IRAK1: variants seen among roughly 807,000 people sequenced by gnomAD.
IRAK1 encodes the protein interleukin 1 receptor associated kinase 1.
IRAK1 carries 9 observed loss-of-function variants against 49.8 expected under a neutral mutation model. The ratio of observed to expected loss-of-function variants is 0.18; its 90% CI spans 0.11 to 0.32. The LOEUF (loss-of-function observed/expected upper bound fraction) is 0.32, where lower values mean the gene tolerates loss of function less well. Among genes scored for constraint, IRAK1 ranks in the 10% least tolerant of loss-of-function variants. IRAK1 has a pLI of 1.00. For synonymous variants in IRAK1, 282 were observed against 270.8 expected (o/e 1.04, Z -0.41); for missense variants, 418 against 600.5 (o/e 0.70, Z 3.18).
chrX:154,013,685 G>A (rs2065718089), intron 11 of IRAK1, among the ~76,000 whole-genome samples: 1 of 112,990 alleles, frequency 8.9e-6, no homozygotes, highest in African/African-American at 3.2e-5. Context: ...TCACTGCCCC[G>A]CTGCCCTCAA....
Position 154,019,803 on chromosome X carries a change from C to T in IRAK1, c.10G>A (p.Gly4Arg). 2 of 880,439 alleles carry T rather than the reference C, an allele frequency of 2.3e-6. No homozygotes were observed. The highest frequency in any genetic ancestry group is 2.8e-6 in the Non-Finnish European group (2 of 719,760). The allele number at this position is 880,439 out of a possible 1,213,427, so 72.6% of individuals were successfully genotyped here. Residue 4 changes from glycine to arginine, a missense_variant, in exon 1 of 14, where the codon GGG becomes AGG. By Grantham distance (125) the Gly-to-Arg change is moderately radical. Coordinates refer to ENST00000369980, the MANE Select transcript of IRAK1 (RefSeq NM_001569.4). ...GCTGCGGGCTCCCCCGGGCCCGGCC[C>T]CCCGGCCATGGCTGCCGCCGCCGGG... MAG[G>R]PGPGEPAAPG...
rs11465832 is a variant in IRAK1 at position 154,018,269 on chromosome X, G to A, written c.794+22C>T. ...GGTCTGAAGCCCCACGGGACCTGGT[G>A]TGGCTCCCCCTCTGGCCTCACCTGG... is the stretch of plus-strand genomic sequence containing the variant. On this transcript the variant is annotated intron_variant, in intron 6 of 13. Coordinates refer to ENST00000369980, the MANE Select transcript of IRAK1 (RefSeq NM_001569.4). 689 of 1,139,955 alleles carry A rather than the reference G, an allele frequency of 6.0e-4. 2 individuals carry two copies. The African/African-American group carries it at 0.011, about 18-fold the overall frequency. The allele number at this position is 1,139,955 out of a possible 1,213,427, so 93.9% of individuals were successfully genotyped here.
chrX:154,017,386 A>C (rs1557129628), intron 7 of IRAK1, among the ~76,000 whole-genome samples: 1 of 112,405 alleles, frequency 8.9e-6, no homozygotes, highest in African/African-American at 3.2e-5. Context: ...GCCCTCCCTC[A>C]GCTGTAGGTG....
At chrX:154,017,144 G>A (rs1175928777) in intron 7 of IRAK1, 77 bp from the exon 8 acceptor site, 23 of 649,396 alleles carry the variant, frequency 3.5e-5, no homozygotes, top group East Asian at 2.6e-4. Context: ...ACCTGTCACC[G>A]TGCAGCCTGG....
chrX:154,015,332 C>T (rs1052478752), intron 10 of IRAK1, among the ~76,000 whole-genome samples: 3 of 112,146 alleles, frequency 2.7e-5, no homozygotes, highest in Non-Finnish European at 5.7e-5. Flanking sequence ...CATGGATGGA[C>T]GGACGGGGAA....
intron 10 of IRAK1, among the ~76,000 whole-genome samples, chrX:154,015,675 C>G (rs915318992): frequency 4.5e-5 from 5 of 111,890 alleles, no homozygotes; most frequent in Admixed American, 1.9e-4. Context: ...TCAGCTGCAG[C>G]CTGCTGGGGC....
intron 4 of IRAK1, 32 bp downstream of exon 4, chrX:154,018,943 C>T: frequency 9.1e-7 from 1 of 1,099,905 alleles, no homozygotes; most frequent in Non-Finnish European, 1.2e-6. Flanking sequence ...CTCCTTGTCT[C>T]GAATCTTCCC....
Position 154,019,867 on chromosome X carries a change from C to CGGGCCT in IRAK1, c.-61_-56dup. ...GGGCCTCTCAGGGCCGCGGCGGGCGCGGGCCTGGGCCGGCCGGGTCCGCGG... is the reference window on the plus strand; with the variant it reads ...GGGCCTCTCAGGGCCGCGGCGGGCGCGGGCCTGGGCCTGGGCCGGCCGGGTCCGCGG... On this transcript the variant is annotated 5_prime_UTR_variant, in exon 1 of 14. Transcript: ENST00000369980. The CGGGCCT allele has an allele frequency of 6.0e-6, 4 of 664,007 alleles. No homozygotes were observed. The highest frequency in any genetic ancestry group is 7.2e-6 in the Non-Finnish European group (4 of 557,317). 54.7% of individuals were successfully genotyped at this position (664,007 alleles called of 1,213,427 possible).
Position 154,014,253 on chromosome X carries a change from T to C in IRAK1, c.1328A>G (p.Glu443Gly). The C allele has an allele frequency of 2.5e-6, 3 of 1,207,766 alleles. No homozygotes were observed. Among genetic ancestry groups the C allele is most frequent in the Non-Finnish European group, 3.4e-6 (3 of 894,245 alleles). Residue 443 changes from glutamate to glycine, a missense_variant, in exon 11 of 14, where the codon GAG becomes GGG. By Grantham distance (98) the Glu-to-Gly change is moderately conservative. This residue lies in a region of IRAK1 where 377 missense variants were observed against 499.5 expected (regional missense o/e 0.75). Transcript: ENST00000369980. ...YLKDLVEEEA[E>G]EAGVALRSTQ... is the part of the protein sequence containing the mutation. ...GCTTCTCAAAGCCACTCCAGCCTCC[T>C]CAGCCTCCTCTTCCACCAGGTCTTT... is the stretch of plus-strand genomic sequence containing the variant.
At chrX:154,017,095 G>T (rs1557129536) in intron 7 of IRAK1, 28 bp from the exon 8 acceptor site, 1 of 972,636 alleles carries the variant, frequency 1.0e-6, no homozygotes, top group Admixed American at 2.2e-5. Context: ...GACAGGGGAG[G>T]TTGCTGGATG....
At chrX:154,016,763 G>T in intron 8 of IRAK1, 119 bp from the exon 9 acceptor site, 1 of 667,743 alleles carries the variant, frequency 1.5e-6, no homozygotes, top group South Asian at 2.6e-5. Context: ...CGCTGGCACT[G>T]CCCTGAGCGC....
chrX:154,018,388 C>A, intron 5 of IRAK1, 33 bp from the exon 6 acceptor site: 1 of 1,111,511 alleles, frequency 9.0e-7, no homozygotes, highest in Non-Finnish European at 1.2e-6. Flanking sequence ...GGGGAAGGGG[C>A]AGGGAAGACG....
chrX:154,017,813 AAAAAAAAAAAAAAT>A (rs1357912952), intron 7 of IRAK1, among the ~76,000 whole-genome samples, 179 bp downstream of exon 7: 29 of 97,644 alleles, frequency 3.0e-4, no homozygotes, highest in African/African-American at 6.7e-4. Context: ...AAAAAAAAAA[AAAAAAAAAAAAAAT>A]TGACCCCACC....
chrX:154,014,371 T>TAA (rs146868205), intron 10 of IRAK1, 93 bp from the exon 11 acceptor site: 278 of 529,067 alleles, frequency 5.3e-4, no homozygotes, highest in East Asian at 2.1e-3. Flanking sequence ...TGGGTTTTGA[T>TAA]AAAAAAAAAA....
chrX:154,017,910 C>A, intron 7 of IRAK1, 96 bp downstream of exon 7: 1 of 582,444 alleles, frequency 1.7e-6, no homozygotes, highest in Non-Finnish European at 2.9e-6. Context: ...AGGACCCACT[C>A]ACACAGGCTG....
chrX:154,015,724 G>A (rs1056723725), intron 10 of IRAK1, among the ~76,000 whole-genome samples: 12 of 111,967 alleles, frequency 1.1e-4, no homozygotes, highest in African/African-American at 3.6e-4. Context: ...CTCTACCACC[G>A]CCTTTCTCCG....
chrX:154,016,844 C>T (rs2065742155), intron 8 of IRAK1, 105 bp downstream of exon 8: 3 of 678,992 alleles, frequency 4.4e-6, no homozygotes, highest in East Asian at 3.2e-5. Context: ...TGTGCGATGC[C>T]GGGGTGTTGA....
chrX:154,018,142 T>C, intron 6 of IRAK1, 22 bp from the exon 7 acceptor site: 1 of 1,158,658 alleles, frequency 8.6e-7, no homozygotes, highest in Non-Finnish European at 1.2e-6. Context: ...AGGGGAGCAC[T>C]TTCCATCAGG....
At position 154,019,787 on chromosome X, in the gene IRAK1, T is replaced by C. The variant is rs2065769801; in HGVS notation, c.26A>G (p.Glu9Gly). 1.1e-6 allele frequency: 1 copy of C among 896,554 alleles called. No homozygotes were observed. The highest frequency in any genetic ancestry group is 1.4e-6 in the Non-Finnish European group (1 of 730,415). 73.9% of individuals were successfully genotyped at this position (896,554 alleles called of 1,213,427 possible). A position where few individuals can be genotyped will look rare whatever the true frequency, so the allele number is the denominator to read the frequency against. The change falls in exon 1 of 14, where the codon GAG (glutamate) becomes GGG (glycine). Residue 9 changes from glutamate (E) to glycine (G), a missense_variant. By Grantham distance (98) the Glu-to-Gly change is moderately conservative (BLOSUM62 -2). This residue lies in a region of IRAK1 where 20 missense variants were observed against 16.1 expected (regional missense o/e 1.24). Coordinates refer to ENST00000369980, the MANE Select transcript of IRAK1 (RefSeq NM_001569.4). MAGGPGPG[E>G]PAAPGAQHFL... ...GTGCTGGGCGCCGGGGGCTGCGGGCTCCCCCGGGCCCGGCCCCCCGGCCAT... is the reference window on the plus strand; with the variant it reads ...GTGCTGGGCGCCGGGGGCTGCGGGCCCCCCCGGGCCCGGCCCCCCGGCCAT...
Sources: gnomAD v4.1 joint callset for allele counts (sites outside exome capture counted in the v4.1 genomes callset) on GRCh38, gnomAD v4.1.1 for gene constraint, gnomAD v4.1.1 regional missense constraint, MANE v1.5 for transcripts, NCBI Gene and HGNC (gene_info 2026-07-23, HGNC 2026-07-21) for gene names.